RILPL2: variants seen among roughly 807,000 people sequenced by gnomAD.
RILPL2 encodes RILP-like protein 2.
A neutral mutation model predicts 22.2 loss-of-function variants in RILPL2; 19 were observed. That is an observed-to-expected ratio of 0.86 (90% confidence interval 0.60 to 1.25). The LOEUF (loss-of-function observed/expected upper bound fraction) is 1.25, where lower values mean the gene tolerates loss of function less well. RILPL2 is among the 50% of genes most tolerant of loss of function. The pLI is 0.00. For missense variants in RILPL2, 243 were observed against 263.6 expected (o/e 0.92, Z 0.54); for synonymous variants, 123 against 111.6 (o/e 1.10, Z -0.64).
At chr12:123,421,541 C>A (rs1228010814) in intron 3 of RILPL2, among the ~76,000 whole-genome samples, 1 of 152,068 alleles carries the variant, frequency 6.6e-6, no homozygotes, top group Non-Finnish European at 1.5e-5. Context: ...TGCCTGACTG[C>A]CTCTTCCTTT....
intron 1 of RILPL2, among the ~76,000 whole-genome samples, chr12:123,432,497 C>A (rs1166205888): frequency 6.6e-6 from 1 of 152,130 alleles, no homozygotes; most frequent in Non-Finnish European, 1.5e-5. Flanking sequence ...CAAAGTGAGA[C>A]CCTGTCTCAA....
intron 2 of RILPL2, among the ~76,000 whole-genome samples, chr12:123,424,597 T>C (rs1427272944): frequency 1.3e-5 from 2 of 152,050 alleles, no homozygotes; most frequent in East Asian, 3.9e-4. Context: ...TCCCAAAGTG[T>C]TGGGATTACA....
chr12:123,430,703 AAATT>A, intron 1 of RILPL2, 44 bp from the exon 2 acceptor site: 1 of 1,249,350 alleles, frequency 8.0e-7, no homozygotes, highest in Non-Finnish European at 1.0e-6. Context: ...CTATATAATT[AAATT>A]ATTATTATTA....
At chr12:123,409,713 CCTTTTTTTTTTTTTTTTTT>C in the RILPL2 span, among the ~76,000 whole-genome samples, 3 of 113,388 alleles carry the variant, frequency 2.6e-5, no homozygotes, top group African/African-American at 1.3e-4. Context: ...CCACACCTGG[CCTTTTTTTTTTTTTTTTTT>C]TTTTTTTTTT....
In RILPL2 at chr12:123,427,963, C is replaced by T. The variant is rs74827235; in HGVS notation, c.491+2545G>A. Among the ~76,000 whole-genome samples, 930 of 152,274 alleles carry T rather than the reference C, an allele frequency of 6.1e-3. 12 individuals carry two copies. Among genetic ancestry groups the T allele is most frequent in the African/African-American group, 0.022 (896 of 41,546 alleles). On this transcript the variant is annotated intron_variant, in intron 2 of 3. Coordinates refer to ENST00000280571, the MANE Select transcript of RILPL2 (RefSeq NM_145058.3). Reference sequence around the variant, plus strand: ...TCTCCACAATATATAACACTAGAGACGAAGCAGAATCCTGCCTCTCTTGGC... The same window carrying T: ...TCTCCACAATATATAACACTAGAGATGAAGCAGAATCCTGCCTCTCTTGGC...
intron 2 of RILPL2, among the ~76,000 whole-genome samples, chr12:123,423,452 C>T (rs993988747): frequency 6.6e-6 from 1 of 151,998 alleles, no homozygotes; most frequent in Non-Finnish European, 1.5e-5. Context: ...CCATCTGCCT[C>T]AGACTCCCAA....
At chr12:123,419,606 CTTTTT>C (rs11361281) in intron 3 of RILPL2, among the ~76,000 whole-genome samples, 1 of 130,356 alleles carries the variant, frequency 7.7e-6, no homozygotes, top group Non-Finnish European at 1.6e-5. Context: ...TCCCTTTTTT[CTTTTT>C]TTTTTTTTTT....
chr12:123,419,604 T>C (rs1376661578), intron 3 of RILPL2, among the ~76,000 whole-genome samples: 2 of 145,954 alleles, frequency 1.4e-5, no homozygotes, highest in East Asian at 4.1e-4. Flanking sequence ...ACTCCCTTTT[T>C]TCTTTTTTTT....
chr12:123,434,360 G>T (rs1327758106), intron 1 of RILPL2, among the ~76,000 whole-genome samples: 1 of 152,022 alleles, frequency 6.6e-6, no homozygotes, highest in Admixed American at 6.6e-5. Context: ...TGAGGCCTCA[G>T]TGAGCTGTGA....
At position 123,430,287 on chromosome 12, in the gene RILPL2, T is replaced by TA. The variant is rs772454793; in HGVS notation, c.491+220dup. On this transcript the variant is annotated intron_variant, in intron 2 of 3. Coordinates refer to ENST00000280571, the MANE Select transcript of RILPL2 (RefSeq NM_145058.3). The stretch of plus-strand genomic sequence containing the variant: ...AGCCAGGCACGGTGGCGGGCGCCTG[T>TA]AGTCCCAGCTACTCGGGAGGCTGAG... 2.7e-4 allele frequency among the ~76,000 whole-genome samples: 41 copies of TA among 151,268 alleles called. 1 individual carries two copies. The highest frequency in any genetic ancestry group is 7.4e-5 in the Non-Finnish European group (5 of 67,844).
downstream of RILPL2, chr12:123,412,749 G>A (rs1011624494): frequency 3.9e-5 from 6 of 152,198 alleles, no homozygotes; most frequent in African/African-American, 1.4e-4. Context: ...AATGATGCAG[G>A]CGAGGCATAC....
rs542489077 is a variant in RILPL2 at position 123,423,288 on chromosome 12, G to A, written c.492-131C>T. 1.2e-5 allele frequency: 7 copies of A among 562,924 alleles called. No individual in the cohort carries two copies. The Admixed American group carries it at 1.5e-4, about 12-fold the overall frequency. The allele number at this position is 562,924 out of a possible 1,614,324, so 34.9% of individuals were successfully genotyped here. A position where few individuals can be genotyped will look rare whatever the true frequency, so the allele number is the denominator to read the frequency against. ...GCCATCTCAGCTCACTGCAACCTCC[G>A]CCTCCCGGGTTCAAGTGATTCTCCT... On this transcript the variant is annotated intron_variant, in intron 2 of 3. Transcript: ENST00000280571.
chr12:123,434,740 A>G (rs2139256305), intron 1 of RILPL2, among the ~76,000 whole-genome samples: 1 of 152,126 alleles, frequency 6.6e-6, no homozygotes, highest in Admixed American at 6.6e-5. Context: ...GATTTTTAAC[A>G]TATGTGTAGA....
intron 2 of RILPL2, among the ~76,000 whole-genome samples, chr12:123,427,386 T>C (rs1879471682): frequency 6.6e-6 from 1 of 151,956 alleles, no homozygotes; most frequent in Admixed American, 6.6e-5. Context: ...GTTCTCACAG[T>C]CAAAGCAAGT....
chr12:123,416,737 C>T (rs771240390), intron 3 of RILPL2, among the ~76,000 whole-genome samples: 2 of 152,242 alleles, frequency 1.3e-5, no homozygotes, highest in Non-Finnish European at 2.9e-5. Context: ...GGTGGCCTCA[C>T]GCTCATTAGC....
intron 3 of RILPL2, among the ~76,000 whole-genome samples, chr12:123,422,005 C>CCT (rs1879296531): frequency 7.6e-6 from 1 of 132,372 alleles, no homozygotes; most frequent in African/African-American, 2.8e-5. Flanking sequence ...CTTTCTCTCT[C>CCT]TTTTTTTTTT....
chr12:123,412,770 T>A (rs1164815965), downstream of RILPL2: 1 of 152,174 alleles, frequency 6.6e-6, no homozygotes, highest in Non-Finnish European at 1.5e-5. Context: ...AGTAAATTAT[T>A]ACTATTATTA....
chr12:123,411,647 A>C (rs1878980051), downstream of RILPL2: 1 of 130,956 alleles, frequency 7.6e-6, no homozygotes. Flanking sequence ...AACCTCTGCC[A>C]TCCAGGTTCA....
chr12:123,424,762 C>T (rs28691164), intron 2 of RILPL2, among the ~76,000 whole-genome samples: 2,490 of 152,314 alleles, frequency 0.016, 80 homozygotes, highest in African/African-American at 0.057. Context: ...CAACTCATTA[C>T]ATCCACTTAA....
Sources: gnomAD v4.1 joint callset for allele counts (sites outside exome capture counted in the v4.1 genomes callset) on GRCh38, gnomAD v4.1.1 for gene constraint, MANE v1.5 for transcripts, NCBI Gene and HGNC (gene_info 2026-07-23, HGNC 2026-07-21) for gene names.